The following SMAD1 variants were observed in gnomAD, a reference collection of about 807,000 sequenced individuals.
SMAD1 encodes SMAD family member 1.
Under a neutral mutation model 41.6 loss-of-function variants are expected in SMAD1, and 6 were observed. The ratio of observed to expected loss-of-function variants is 0.14; its 90% CI spans 0.08 to 0.28. The LOEUF (loss-of-function observed/expected upper bound fraction) is 0.28, where lower values mean the gene tolerates loss of function less well. SMAD1 is among the 10% of genes least tolerant of loss of function. The pLI, the probability that SMAD1 is intolerant of heterozygous loss-of-function variation, is 1.00. For synonymous variants in SMAD1, 206 were observed against 203.2 expected, an observed-to-expected ratio of 1.01 and a Z score of -0.12; for missense variants, 379 against 582.6, an observed-to-expected ratio of 0.65 and a Z score of 3.60.
intron 5 of SMAD1, among the ~76,000 whole-genome samples, chr4:145,548,251 CG>C (rs1215436091): frequency 6.6e-6 from 1 of 150,986 alleles, no homozygotes; most frequent in African/African-American, 2.4e-5. Flanking sequence ...TTTTTTGAGA[CG>C]GAGTCTCCCT....
chr4:145,493,100 C>T (rs765877886), intron 1 of SMAD1, among the ~76,000 whole-genome samples: 5 of 152,272 alleles, frequency 3.3e-5, no homozygotes, highest in Non-Finnish European at 7.3e-5. Flanking sequence ...ACAACTTGGC[C>T]CACTAGCATC....
At chr4:145,484,057 G>C (rs1396439667) in intron 1 of SMAD1, among the ~76,000 whole-genome samples, 1 of 152,170 alleles carries the variant, frequency 6.6e-6, no homozygotes, top group Non-Finnish European at 1.5e-5. Context: ...ACATTTATTA[G>C]TTAAAAACTA....
intron 2 of SMAD1, among the ~76,000 whole-genome samples, chr4:145,522,395 A>G (rs1730791265): frequency 6.6e-6 from 1 of 152,294 alleles, no homozygotes; most frequent in Non-Finnish European, 1.5e-5. Context: ...TTAGGTCGGG[A>G]GTTCGAGACC....
At chr4:145,500,132 C>T (rs527785560) in intron 1 of SMAD1, among the ~76,000 whole-genome samples, 8 of 152,238 alleles carry the variant, frequency 5.3e-5, no homozygotes, top group South Asian at 2.1e-4. Context: ...TCATCTTGTA[C>T]CTTAACAATT....
intron 2 of SMAD1, among the ~76,000 whole-genome samples, chr4:145,521,701 A>T (rs532235768): frequency 2.3e-4 from 35 of 152,288 alleles, no homozygotes; most frequent in Non-Finnish European, 4.9e-4. Context: ...TGTAGCCATA[A>T]AAGGGCAAAG....
chr4:145,525,069 G>A (rs1043394651), intron 2 of SMAD1, among the ~76,000 whole-genome samples: 7 of 152,150 alleles, frequency 4.6e-5, no homozygotes, highest in South Asian at 2.1e-4. Context: ...GGGAGTGCCC[G>A]GTGGCCTTGC....
Position 145,514,144 on chromosome 4 carries a change from T to C in SMAD1, c.-176-294T>C, listed in dbSNP as rs1730246986. 6.6e-6 allele frequency among the ~76,000 whole-genome samples: 1 copy of C among 152,128 alleles called. No homozygotes were observed. The highest frequency in any genetic ancestry group is 2.4e-5 in the African/African-American group (1 of 41,414). ...CTTCTTGCAGTACCCTCAGTGTGTG[T>C]GCATAGAGGCTGGAGGAGGGAGATA... On this transcript the variant is annotated intron_variant, in intron 1 of 6. Transcript: ENST00000302085. This position sits in a 1 kb window ranked among gnomAD's most constrained non-coding sequence, Gnocchi z 4.7.
At chr4:145,522,373 G>A (rs1275405661) in intron 2 of SMAD1, among the ~76,000 whole-genome samples, 2 of 152,140 alleles carry the variant, frequency 1.3e-5, no homozygotes, top group African/African-American at 2.4e-5. Context: ...AGGCCAAGGC[G>A]GGTGGATCAC....
chr4:145,515,134 CTGTGTG>C (rs377610507), intron 2 of SMAD1, 121 bp downstream of exon 2: 6,230 of 533,812 alleles, frequency 0.012, 21 homozygotes, highest in African/African-American at 0.029. Flanking sequence ...TTTGGGGAAA[CTGTGTG>C]TGTGTGTGTG....
chr4:145,533,786 G>C (rs1324885005), intron 2 of SMAD1, among the ~76,000 whole-genome samples: 1 of 152,200 alleles, frequency 6.6e-6, no homozygotes, highest in Non-Finnish European at 1.5e-5. Flanking sequence ...TTACCAGTTA[G>C]AAGATACATT....
intron 5 of SMAD1, among the ~76,000 whole-genome samples, chr4:145,552,647 A>C (rs1035326264): frequency 6.6e-6 from 1 of 151,976 alleles, no homozygotes; most frequent in African/African-American, 2.4e-5. Context: ...TTTTTACTGG[A>C]TCTTATATCT....
chr4:145,505,703 G>A (rs1729735822), intron 1 of SMAD1, among the ~76,000 whole-genome samples: 1 of 151,920 alleles, frequency 6.6e-6, no homozygotes, highest in African/African-American at 2.4e-5. Context: ...TACTCTGGAA[G>A]CTCAAGTCTT....
At chr4:145,531,230 T>G (rs1452516044) in intron 2 of SMAD1, among the ~76,000 whole-genome samples, 1 of 152,242 alleles carries the variant, frequency 6.6e-6, no homozygotes, top group Non-Finnish European at 1.5e-5. Flanking sequence ...AGGTAAGGAA[T>G]TTTATTTCAT....
intron 1 of SMAD1, among the ~76,000 whole-genome samples, chr4:145,496,875 A>G (rs943822972): frequency 1.3e-5 from 2 of 152,222 alleles, no homozygotes; most frequent in Non-Finnish European, 2.9e-5. Context: ...TTGAGTTTTC[A>G]AACTAGTATG....
chr4:145,542,290 T>A lies in SMAD1; in HGVS notation c.659-292T>A, dbSNP rs897331195. On this transcript the variant is annotated intron_variant, in intron 3 of 6. Transcript: ENST00000302085. ...TATTAAAGTGTGCTTAAAATACTCT[T>A]CTGATTGCTTTTAAACAGCATGATC... Among the ~76,000 whole-genome samples the A allele has an allele frequency of 2.6e-5, 4 of 152,368 alleles. No individual in the cohort carries two copies. In the East Asian group the frequency reaches 7.7e-4, roughly 29 times the overall value.
At chr4:145,553,677 C>T in intron 5 of SMAD1, 107 bp from the exon 6 acceptor site, 1 of 1,054,900 alleles carries the variant, frequency 9.5e-7, no homozygotes, top group South Asian at 1.5e-5. Flanking sequence ...GCTAACTAGC[C>T]AAAGTTTAAA....
rs762059302 is a variant in SMAD1 at position 145,532,986 on chromosome 4, T to C, written c.401-6818T>C. On this transcript the variant is annotated intron_variant, in intron 2 of 6. Transcript: ENST00000302085. ...CCTAATAGAAAACATATTTTAATTA[T>C]TCTTTACTGAAATCTTGCTGAAATG... Among the ~76,000 whole-genome samples, 8 of 152,260 alleles carry C rather than the reference T, an allele frequency of 5.3e-5. No individual in the cohort carries two copies. In the South Asian group the frequency reaches 6.2e-4, roughly 12 times the overall value.
At chr4:145,513,931 G>A (rs1730233603) in intron 1 of SMAD1, among the ~76,000 whole-genome samples, 2 of 152,192 alleles carry the variant, frequency 1.3e-5, no homozygotes, top group Non-Finnish European at 2.9e-5. Context: ...TAACTCAAAG[G>A]ATTGTGAAAA....
At chr4:145,553,282 G>A (rs1732656714) in intron 5 of SMAD1, among the ~76,000 whole-genome samples, 1 of 98,882 alleles carries the variant, frequency 1.0e-5, no homozygotes, top group Non-Finnish European at 2.2e-5. Flanking sequence ...AAGTAATGCG[G>A]TTAACTAAGA....
Sources: gnomAD v4.1 joint callset for allele counts (sites outside exome capture counted in the v4.1 genomes callset) on GRCh38, gnomAD v4.1.1 for gene constraint, Gnocchi (gnomAD v3.1) non-coding constraint, MANE v1.5 for transcripts, NCBI Gene and HGNC (gene_info 2026-07-23, HGNC 2026-07-21) for gene names.